The following RHOBTB1 variants were observed in gnomAD, a reference collection of about 807,000 sequenced individuals.
The protein encoded by RHOBTB1 is rho-related BTB domain-containing protein 1.
Under a neutral mutation model 71.6 loss-of-function variants are expected in RHOBTB1, and 40 were observed. The observed-to-expected ratio is 0.56, with a 90% CI of 0.43 to 0.73. The LOEUF is 0.73. Among genes scored for constraint, RHOBTB1 ranks in the 30% least tolerant of loss-of-function variants. The probability of loss-of-function intolerance (pLI) is 0.00; values close to 1 mark genes in which losing one functional copy is unlikely to be tolerated. For missense variants in RHOBTB1, 797 were observed against 894.0 expected (o/e 0.89, Z 1.38); for synonymous variants, 319 against 334.9 (o/e 0.95, Z 0.52).
chr10:60,965,299 G>T (rs1274819444), intron 2 of RHOBTB1, among the ~76,000 whole-genome samples: 1 of 151,752 alleles, frequency 6.6e-6, no homozygotes, highest in African/African-American at 2.4e-5. Context: ...CATTTATTTT[G>T]CTCATCTCTG....
At chr10:60,990,314 C>T (rs1220099128) in intron 1 of RHOBTB1, among the ~76,000 whole-genome samples, 3 of 152,088 alleles carry the variant, frequency 2.0e-5, no homozygotes, top group Admixed American at 1.3e-4. Flanking sequence ...CAAACTCCAT[C>T]CTAGTTTCTC....
intron 2 of RHOBTB1, among the ~76,000 whole-genome samples, chr10:60,971,424 G>C (rs1322896406): frequency 2.0e-5 from 3 of 151,962 alleles, no homozygotes; most frequent in African/African-American, 7.2e-5. Context: ...TGACAAACCT[G>C]ACAAAAACAA....
At chr10:60,966,760 C>T (rs943259865) in intron 2 of RHOBTB1, among the ~76,000 whole-genome samples, 1 of 150,986 alleles carries the variant, frequency 6.6e-6, no homozygotes, top group African/African-American at 2.4e-5. Context: ...CATATGTATA[C>T]ATGTGTCATG....
upstream of RHOBTB1, chr10:60,944,284 C>G (rs1468790649): frequency 6.6e-6 from 1 of 152,238 alleles, no homozygotes; most frequent in East Asian, 1.9e-4. Flanking sequence ...ACGGAGCACC[C>G]GGCACCTCGC....
intron 7 of RHOBTB1, among the ~76,000 whole-genome samples, chr10:60,884,606 T>C (rs2081481252): frequency 6.6e-6 from 1 of 152,098 alleles, no homozygotes; most frequent in African/African-American, 2.4e-5. Flanking sequence ...AACAGATGGA[T>C]GAATAAGAAA....
At chr10:60,875,102 G>T in intron 8 of RHOBTB1, 60 bp from the exon 9 acceptor site, 1 of 1,279,914 alleles carries the variant, frequency 7.8e-7, no homozygotes, top group Non-Finnish European at 1.1e-6. Flanking sequence ...CAGGTAGCTT[G>T]CCTGGAGGGT....
rs530311196 is a variant in RHOBTB1, at chr10:60,953,772, T to TG, written c.-61-11919dup. 6.3e-3 allele frequency among the ~76,000 whole-genome samples: 951 copies of TG among 151,466 alleles called. 8 individuals are homozygous for TG. Among genetic ancestry groups the TG allele is most frequent in the Non-Finnish European group, 9.5e-3 (641 of 67,812 alleles). On this transcript the variant is annotated intron_variant, in intron 2 of 11. Coordinates refer to the RHOBTB1 transcript ENST00000357917. ...ATAAAACAGTTGAGGTGGCTAATGA[T>TG]GAAAAAAAAAGCATATATATCCTGA...
intron 1 of RHOBTB1, among the ~76,000 whole-genome samples, chr10:60,996,969 C>T (rs376005127): frequency 6.6e-6 from 1 of 151,888 alleles, no homozygotes; most frequent in Non-Finnish European, 1.5e-5. Flanking sequence ...ACTCTTATTA[C>T]TACTTATCAA....
chr10:60,921,409 T>C (rs1415061709), intron 2 of RHOBTB1, among the ~76,000 whole-genome samples: 1 of 152,188 alleles, frequency 6.6e-6, no homozygotes, highest in Non-Finnish European at 1.5e-5. Flanking sequence ...TCAGCAGAGA[T>C]GCGGCCAAGT....
chr10:60,865,277 A>T (rs763162205), downstream of RHOBTB1, among the ~76,000 whole-genome samples: 29 of 152,210 alleles, frequency 1.9e-4, no homozygotes, highest in Non-Finnish European at 1.0e-4. Context: ...TTCATATGTA[A>T]AATAAAATTA....
At chr10:60,989,268 T>C (rs950505129) in intron 1 of RHOBTB1, among the ~76,000 whole-genome samples, 4 of 152,308 alleles carry the variant, frequency 2.6e-5, no homozygotes, top group Non-Finnish European at 2.9e-5. Context: ...AAAAATCAAG[T>C]AAGTATTTAA....
intron 4 of RHOBTB1, among the ~76,000 whole-genome samples, chr10:60,909,256 G>A (rs1013285020): frequency 6.6e-6 from 1 of 152,156 alleles, no homozygotes; most frequent in African/African-American, 2.4e-5. Flanking sequence ...CCAGCTTTAC[G>A]CTGAGGGGTC....
chr10:60,862,147 T>C, the RHOBTB1 span, among the ~76,000 whole-genome samples: 4 of 143,602 alleles, frequency 2.8e-5, no homozygotes, highest in Admixed American at 2.0e-4. Context: ...CTCTCTCTCT[T>C]TCTTTTTCTT....
At chr10:60,974,815 G>T (rs1172796637) in intron 2 of RHOBTB1, among the ~76,000 whole-genome samples, 13 of 152,046 alleles carry the variant, frequency 8.6e-5, no homozygotes, top group Admixed American at 8.5e-4. Context: ...TTTCTCTGAG[G>T]ATAGTGGTAA....
intron 2 of RHOBTB1, among the ~76,000 whole-genome samples, chr10:60,949,267 C>A (rs1362046017): frequency 1.3e-5 from 2 of 152,168 alleles, no homozygotes; most frequent in Non-Finnish European, 2.9e-5. Flanking sequence ...CATCTAGGGT[C>A]CCTTCCCCAG....
upstream of RHOBTB1, among the ~76,000 whole-genome samples, chr10:60,946,114 G>A (rs1408269798): frequency 2.0e-5 from 3 of 151,994 alleles, no homozygotes; most frequent in Admixed American, 6.5e-5. Context: ...GGAGGCGGAG[G>A]TTGCAGTGAG....
At chr10:60,921,335 G>T (rs779683183) in intron 2 of RHOBTB1, among the ~76,000 whole-genome samples, 2 of 152,178 alleles carry the variant, frequency 1.3e-5, no homozygotes, top group Non-Finnish European at 2.9e-5. Flanking sequence ...TGCAATGGCA[G>T]AGGAATGGTG....
chr10:60,922,703 G>C (rs2083637518), intron 2 of RHOBTB1, among the ~76,000 whole-genome samples: 1 of 152,212 alleles, frequency 6.6e-6, no homozygotes, highest in Non-Finnish European at 1.5e-5. Flanking sequence ...AAACCAGCCT[G>C]CTGCTATCAG....
intron 1 of RHOBTB1, among the ~76,000 whole-genome samples, chr10:61,000,854 C>T (rs2087237456): frequency 6.6e-6 from 1 of 152,050 alleles, no homozygotes; most frequent in Admixed American, 6.5e-5. Flanking sequence ...TTTTACAGCC[C>T]GGGGCTTTCA....
Sources: gnomAD v4.1 joint callset for allele counts (sites outside exome capture counted in the v4.1 genomes callset) on GRCh38, gnomAD v4.1.1 for gene constraint, MANE v1.5 for transcripts, NCBI Gene and HGNC (gene_info 2026-07-23, HGNC 2026-07-21) for gene names.